ZFHX3: variants seen among roughly 807,000 people sequenced by gnomAD.
ZFHX3 encodes the protein zinc finger homeobox 3, also known as zinc finger homeobox protein 3.
In ZFHX3, 42 loss-of-function variants were observed where a neutral mutation model predicts 279.1. That is an observed-to-expected ratio of 0.15 (90% CI 0.12 to 0.19). The LOEUF is 0.19. ZFHX3 is among the 10% of genes least tolerant of loss of function. The pLI is 1.00. For synonymous variants in ZFHX3, 2,293 were observed against 1,957.8 expected (o/e 1.17, Z -4.52); for missense variants, 4,981 against 4,754.0 (o/e 1.05, Z -1.40).
At chr16:72,873,784 G>A (rs1323682101) in intron 4 of ZFHX3, among the ~76,000 whole-genome samples, 1 of 151,942 alleles carries the variant, frequency 6.6e-6, no homozygotes, top group African/African-American at 2.4e-5. Flanking sequence ...TGTGTTTTTG[G>A]GTCTTGCTAC....
At chr16:72,938,765 G>C (rs758971575) in intron 3 of ZFHX3, among the ~76,000 whole-genome samples, 1 of 152,312 alleles carries the variant, frequency 6.6e-6, no homozygotes, top group South Asian at 2.1e-4. Context: ...ACAAAGAGAC[G>C]GGACAGAGGT....
At chr16:73,769,844 CATTT>C (rs2053997692) in intron 1 of ZFHX3, among the ~76,000 whole-genome samples, 1 of 152,114 alleles carries the variant, frequency 6.6e-6, no homozygotes, top group Admixed American at 6.5e-5. Flanking sequence ...ATTATTGAAC[CATTT>C]ATTTGGCTCC....
intron 1 of ZFHX3, among the ~76,000 whole-genome samples, chr16:72,980,083 G>A (rs956586887): frequency 2.6e-5 from 4 of 152,196 alleles, no homozygotes; most frequent in Non-Finnish European, 5.9e-5. Flanking sequence ...AGGCCAGCTA[G>A]TCTCACTGTT....
intron 1 of ZFHX3, among the ~76,000 whole-genome samples, chr16:73,855,501 C>CAGA (rs1384277395): frequency 1.4e-5 from 2 of 147,626 alleles, no homozygotes; most frequent in African/African-American, 5.4e-5. Context: ...GGGTTTTTTC[C>CAGA]AGAGGAGGAG....
intron 8 of ZFHX3, among the ~76,000 whole-genome samples, chr16:73,085,304 C>T (rs140014262): frequency 1.5e-4 from 23 of 152,170 alleles, no homozygotes; most frequent in African/African-American, 4.3e-4. Context: ...TCTTGTTGCC[C>T]GGGCTGGAGT....
At chr16:72,833,186 G>A (rs1237214980) in intron 4 of ZFHX3, among the ~76,000 whole-genome samples, 1 of 152,192 alleles carries the variant, frequency 6.6e-6, no homozygotes, top group Non-Finnish European at 1.5e-5. Flanking sequence ...TGGGAACCAG[G>A]GGCAAAATAG....
chr16:73,854,182 G>A (rs1416438235), intron 1 of ZFHX3, among the ~76,000 whole-genome samples: 1 of 152,178 alleles, frequency 6.6e-6, no homozygotes, highest in African/African-American at 2.4e-5. Flanking sequence ...TTGTTGGAAT[G>A]TTTACTGTTT....
intron 2 of ZFHX3, among the ~76,000 whole-genome samples, chr16:73,579,501 A>G (rs921143333): frequency 6.6e-6 from 1 of 151,358 alleles, no homozygotes; most frequent in African/African-American, 2.4e-5. Flanking sequence ...ACTAATTATT[A>G]TAATCTTTTT....
chr16:73,661,537 A>G (rs984920000), intron 2 of ZFHX3, among the ~76,000 whole-genome samples: 1 of 152,138 alleles, frequency 6.6e-6, no homozygotes, highest in Non-Finnish European at 1.5e-5. Context: ...CCTGCCCAAC[A>G]TGGCAAAACC....
intron 1 of ZFHX3, among the ~76,000 whole-genome samples, chr16:73,798,571 GCACA>G (rs1187602267): frequency 7.5e-6 from 1 of 133,326 alleles, no homozygotes; most frequent in East Asian, 2.2e-4. Flanking sequence ...ACACACAGGT[GCACA>G]CACACAGACA....
chr16:73,601,958 CT>C (rs2143863342), intron 2 of ZFHX3, among the ~76,000 whole-genome samples: 1 of 152,178 alleles, frequency 6.6e-6, no homozygotes, highest in African/African-American at 2.4e-5. Flanking sequence ...GGGGCTGTGA[CT>C]TTTTTGTTTC....
chr16:73,310,371 T>C (rs1189990752), intron 4 of ZFHX3, among the ~76,000 whole-genome samples: 4 of 152,236 alleles, frequency 2.6e-5, no homozygotes, highest in Non-Finnish European at 5.9e-5. Flanking sequence ...AGCTGGTTTA[T>C]GATTGTTGTA....
At chr16:73,102,990 T>A (rs1234658480) in intron 7 of ZFHX3, among the ~76,000 whole-genome samples, 2 of 152,064 alleles carry the variant, frequency 1.3e-5, no homozygotes, top group African/African-American at 2.4e-5. Context: ...GGTGGTGCAA[T>A]CTCAGCTCAC....
At chr16:72,817,939 A>G (rs2036660809) in intron 5 of ZFHX3, among the ~76,000 whole-genome samples, 1 of 152,152 alleles carries the variant, frequency 6.6e-6, no homozygotes, top group Non-Finnish European at 1.5e-5. Flanking sequence ...CCAGCAACAT[A>G]ATGGAGGAGC....
At chr16:73,244,670 G>A (rs1283543796) in intron 5 of ZFHX3, among the ~76,000 whole-genome samples, 1 of 152,200 alleles carries the variant, frequency 6.6e-6, no homozygotes, top group Admixed American at 6.5e-5. Flanking sequence ...CTTAGTGACT[G>A]GAACCTGTGA....
At chr16:73,307,482 C>T (rs963039607) in intron 4 of ZFHX3, among the ~76,000 whole-genome samples, 2 of 152,188 alleles carry the variant, frequency 1.3e-5, no homozygotes, top group African/African-American at 4.8e-5. Context: ...GGAAAAACTG[C>T]TTCTTTCTGC....
chr16:73,889,986 G>A (rs1026227855), intron 1 of ZFHX3, among the ~76,000 whole-genome samples: 1 of 151,986 alleles, frequency 6.6e-6, no homozygotes, highest in Non-Finnish European at 1.5e-5. Flanking sequence ...GATGTTCTGT[G>A]GATTCTTAAG....
intron 2 of ZFHX3, among the ~76,000 whole-genome samples, chr16:73,507,961 G>A (rs2019357643): frequency 6.6e-6 from 1 of 152,180 alleles, no homozygotes; most frequent in African/African-American, 2.4e-5. Flanking sequence ...CAAATGTTAG[G>A]ACCAAGGCAG....
chr16:73,703,926 A>C (rs2053277339), intron 1 of ZFHX3, among the ~76,000 whole-genome samples: 1 of 152,200 alleles, frequency 6.6e-6, no homozygotes. Flanking sequence ...CCTGTCAACC[A>C]AGCCAGTTCT....
Sources: gnomAD v4.1 joint callset for allele counts (sites outside exome capture counted in the v4.1 genomes callset) on GRCh38, gnomAD v4.1.1 for gene constraint, MANE v1.5 for transcripts, NCBI Gene and HGNC (gene_info 2026-07-23, HGNC 2026-07-21) for gene names.